Variants in TMPRSS3 observed in about 807,000 individuals in gnomAD.
TMPRSS3 encodes the protein transmembrane serine protease 3.
Under a neutral mutation model 59.6 loss-of-function variants are expected in TMPRSS3, and 55 were observed. The observed-to-expected ratio is 0.92, with a 90% CI of 0.74 to 1.16. TMPRSS3 has a LOEUF of 1.16. Among genes scored for constraint, TMPRSS3 ranks in the 50% most tolerant of loss-of-function variants. TMPRSS3 has a pLI of 0.00. For synonymous variants in TMPRSS3, 257 were observed against 237.7 expected (o/e 1.08, Z -0.75); for missense variants, 596 against 579.4 (o/e 1.03, Z -0.29).
rs995003560 is a variant in TMPRSS3 at position 42,383,717 on chromosome 21, G to A, written c.616+253C>T. 5.8e-6 allele frequency: 4 copies of A among 689,488 alleles called. No individual in the cohort carries two copies. The African/African-American group carries it at 7.0e-5, about 12-fold the overall frequency. The allele number at this position is 689,488 out of a possible 1,614,324, so 42.7% of individuals were successfully genotyped here. A position where few individuals can be genotyped will look rare whatever the true frequency, so the allele number is the denominator to read the frequency against. On this transcript the variant is annotated intron_variant, in intron 7 of 12. Coordinates refer to ENST00000644384, the MANE Select transcript of TMPRSS3 (RefSeq NM_001256317.3). The stretch of plus-strand genomic sequence containing the variant: ...GGACTCAAGGCTCTTCAGAGTGATG[G>A]GACATCATGGGCCTTGGTCCTGTCC...
chr21:42,380,213 C>T lies in TMPRSS3; in HGVS notation c.953-1G>A, dbSNP rs2052503292. 1.2e-6 allele frequency: 2 copies of T among 1,612,770 alleles called. No homozygotes were observed. Among genetic ancestry groups the T allele is most frequent in the Non-Finnish European group, 1.7e-6 (2 of 1,178,842 alleles). Reference sequence around the variant, plus strand: ...GGCAGGCACACAGGCTGGATCATTTCTGCTTGAAGGGAAACAATAGTTCAC... The same window carrying T: ...GGCAGGCACACAGGCTGGATCATTTTTGCTTGAAGGGAAACAATAGTTCAC... On this transcript the variant is annotated splice_acceptor_variant, in intron 9 of 12. Coordinates refer to ENST00000644384, the MANE Select transcript of TMPRSS3 (RefSeq NM_001256317.3). LOFTEE classifies it high-confidence loss of function.
chr21:42,376,417 G>A, intron 11 of TMPRSS3, 124 bp downstream of exon 11: 1 of 1,382,722 alleles, frequency 7.2e-7, no homozygotes, highest in Non-Finnish European at 1.0e-6. Context: ...GATATCTTGA[G>A]CAAATTTCTT....
intron 6 of TMPRSS3, among the ~76,000 whole-genome samples, chr21:42,385,043 C>CACTTCCTTCCTTCCTT (rs1281298963): frequency 8.4e-6 from 1 of 119,082 alleles, no homozygotes; most frequent in African/African-American, 4.4e-5. Context: ...CTTCCTCCCT[C>CACTTCCTTCCTTCCTT]CCTCCCTTCC....
rs1271929004 is a variant in TMPRSS3 at position 42,382,243 on chromosome 21, AG to A, written c.783-10del. ...ACTTGGGGAGGTACAAGCTGAAATGAGAAGAGCAAGAGGTGAAGCACAGGAA... is the reference window on the plus strand; with the variant it reads ...ACTTGGGGAGGTACAAGCTGAAATGAAAGAGCAAGAGGTGAAGCACAGGAA... On this transcript the variant is annotated splice_polypyrimidine_tract_variant and intron_variant, in intron 8 of 12. Coordinates refer to ENST00000644384, the MANE Select transcript of TMPRSS3 (RefSeq NM_001256317.3). 1 of 1,613,620 alleles carries A rather than the reference AG, an allele frequency of 6.2e-7. No individual in the cohort carries two copies. The highest frequency in any genetic ancestry group is 8.5e-7 in the Non-Finnish European group (1 of 1,179,648).
intron 2 of TMPRSS3, 137 bp from the exon 3 acceptor site, chr21:42,390,174 G>T: frequency 1.4e-6 from 1 of 728,848 alleles, no homozygotes; most frequent in Non-Finnish European, 2.4e-6. Flanking sequence ...CCTTAATTAG[G>T]GAAAGGGCCA....
intron 6 of TMPRSS3, 109 bp from the exon 7 acceptor site, chr21:42,384,122 T>A: frequency 9.6e-7 from 1 of 1,038,776 alleles, no homozygotes; most frequent in Non-Finnish European, 1.5e-6. Flanking sequence ...TATTTCCCCC[T>A]CTTTGAATAT....
Position 42,376,562 on chromosome 21 carries a change from C to A in TMPRSS3, c.1170G>T (p.Thr390=). Residue 390 remains threonine, a synonymous_variant, in exon 11 of 13, where the codon ACG becomes ACT. Coordinates refer to ENST00000644384, the MANE Select transcript of TMPRSS3 (RefSeq NM_001256317.3). ...SPSMLCAGYL[T]GGVDSCQGDS... ...GTACCTGGCAGCTGTCCACGCCACC[C>A]GTCAGGTAGCCCGCGCAGAGCATGG... The A allele has an allele frequency of 6.2e-7, 1 of 1,613,628 alleles. No homozygotes were observed. Among genetic ancestry groups the A allele is most frequent in the South Asian group, 1.1e-5 (1 of 91,070 alleles).
Position 42,371,999 on chromosome 21 carries a change from C to A in TMPRSS3, c.*763G>T. On this transcript the variant is annotated 3_prime_UTR_variant, in exon 13 of 13. Transcript: ENST00000644384. ...CTTAAACGAGTCATTCCTAGATTAACCTCCCCACATGTGAAAATAAGTCTT... is the reference window on the plus strand; with the variant it reads ...CTTAAACGAGTCATTCCTAGATTAAACTCCCCACATGTGAAAATAAGTCTT... 2.2e-6 allele frequency: 1 copy of A among 454,550 alleles called. No individual in the cohort carries two copies. The highest frequency in any genetic ancestry group is 4.4e-6 in the Non-Finnish European group (1 of 226,780). 28.2% of individuals were successfully genotyped at this position (454,550 alleles called of 1,614,324 possible).
intron 6 of TMPRSS3, among the ~76,000 whole-genome samples, chr21:42,385,047 C>CCCTCCCTT (rs2052606466): frequency 1.1e-5 from 1 of 92,148 alleles, no homozygotes; most frequent in African/African-American, 6.9e-5. Context: ...CTCCCTCCCT[C>CCCTCCCTT]CCTTCCTTCC....
At chr21:42,390,509 C>T (rs1244812732) in intron 2 of TMPRSS3, 2 of 195,756 alleles carry the variant, frequency 1.0e-5, no homozygotes, top group Non-Finnish European at 2.1e-5. Flanking sequence ...GGGTGGATCA[C>T]CTGAAGTCAG....
In TMPRSS3 at chr21:42,388,452, A is replaced by G; in HGVS notation, c.397T>C (p.Trp133Arg). Residue 133 changes from tryptophan to arginine, a missense_variant, in exon 5 of 13, where the codon TGG becomes CGG. Physicochemically the swap from Trp to Arg is moderately radical, Grantham distance 101 (BLOSUM62 -3). Coordinates refer to ENST00000644384, the MANE Select transcript of TMPRSS3 (RefSeq NM_001256317.3). The surrounding 1 kb of genome is among the most constrained non-coding windows in gnomAD (Gnocchi z 5.1). ...ASWKTMCSDD[W>R]KGHYANVACA... ...GCAACATTTGCGTAGTGACCCTTCC[A>G]GTCATCGGAGCACATGGTCTTCCAC... 2 of 1,614,248 alleles carry G rather than the reference A, an allele frequency of 1.2e-6. No homozygotes were observed. The highest frequency in any genetic ancestry group is 1.7e-6 in the Non-Finnish European group (2 of 1,180,036).
chr21:42,379,337 A>G (rs1462177093), intron 10 of TMPRSS3, among the ~76,000 whole-genome samples: 1 of 151,400 alleles, frequency 6.6e-6, no homozygotes, highest in African/African-American at 2.4e-5. Flanking sequence ...TAATTTTTGT[A>G]TTTTTTGTAG....
At chr21:42,380,093 G>A (rs779356478) in intron 10 of TMPRSS3, 24 bp downstream of exon 10, 34 of 1,602,176 alleles carry the variant, frequency 2.1e-5, no homozygotes, top group East Asian at 4.5e-5. Flanking sequence ...CCTGGACTCC[G>A]AATCTTGGCT....
chr21:42,386,546 A>T (rs1601528476), intron 5 of TMPRSS3, among the ~76,000 whole-genome samples: 1 of 152,310 alleles, frequency 6.6e-6, no homozygotes, highest in African/African-American at 2.4e-5. Context: ...GAACTGTCCA[A>T]GTCTCAAAAT....
chr21:42,390,217 T>C (rs1434681408), intron 2 of TMPRSS3, 180 bp from the exon 3 acceptor site: 3 of 637,604 alleles, frequency 4.7e-6, no homozygotes, highest in Admixed American at 2.2e-5. Context: ...AGTTCAGTCC[T>C]ACCTGCTCCA....
At chr21:42,394,516 T>C (rs531110401) in intron 2 of TMPRSS3, among the ~76,000 whole-genome samples, 2 of 152,264 alleles carry the variant, frequency 1.3e-5, no homozygotes, top group East Asian at 3.9e-4. Context: ...ACTTAGCTAA[T>C]TTTGAGCCAT....
intron 2 of TMPRSS3, 55 bp downstream of exon 2, chr21:42,395,269 C>T (rs2052787539): frequency 6.9e-7 from 1 of 1,456,144 alleles, no homozygotes; most frequent in Non-Finnish European, 9.6e-7. Context: ...TCACATTGGT[C>T]ACCTACATGA....
chr21:42,385,450 T>C lies in TMPRSS3; in HGVS notation c.531A>G (p.Pro177=), dbSNP rs1857257734. 1 of 1,614,078 alleles carries C rather than the reference T, an allele frequency of 6.2e-7. No individual in the cohort carries two copies. The highest frequency in any genetic ancestry group is 1.3e-5 in the African/African-American group (1 of 74,922). ...EEFVSIDHLL[P]DDKVTALHHS... ...GGTGTAATGCAGTCACCTTGTCATC[T>C]GGCAAGAGGTGATCGATGGACACAA... The change falls in exon 6 of 13, where the codon CCA becomes CCG. Residue 177 remains proline (P), a synonymous_variant. Transcript: ENST00000644384.
In TMPRSS3 at chr21:42,376,454, G is replaced by C; in HGVS notation, c.1191+87C>G. 3.2e-6 allele frequency: 5 copies of C among 1,576,492 alleles called. No individual in the cohort carries two copies. In the South Asian group the frequency reaches 5.6e-5, roughly 18 times the overall value. On this transcript the variant is annotated intron_variant, in intron 11 of 12. Coordinates refer to ENST00000644384, the MANE Select transcript of TMPRSS3 (RefSeq NM_001256317.3). ...TCCACGCCCTGTAAATTTACTTTTTGTCCTGTCACAGGGAAACGCTGGCAA... is the reference window on the plus strand; with the variant it reads ...TCCACGCCCTGTAAATTTACTTTTTCTCCTGTCACAGGGAAACGCTGGCAA...
Sources: allele counts gnomAD v4.1 joint callset (sites outside exome capture counted in the v4.1 genomes callset), GRCh38; gene constraint gnomAD v4.1.1; non-coding constraint Gnocchi (gnomAD v3.1); transcripts MANE v1.5; gene names NCBI Gene and HGNC (gene_info 2026-07-23, HGNC 2026-07-21).